IL18RAP: variants seen among roughly 807,000 people sequenced by gnomAD.
IL18RAP encodes interleukin 18 receptor accessory protein.
A neutral mutation model predicts 58.1 loss-of-function variants in IL18RAP; 37 were observed. The ratio of observed to expected loss-of-function variants is 0.64; its 90% CI spans 0.49 to 0.84. IL18RAP has a LOEUF of 0.84. Ranked by LOEUF, IL18RAP falls within the 40% of genes least tolerant of loss-of-function variation. The pLI, the probability that IL18RAP is intolerant of heterozygous loss-of-function variation, is 0.00. For synonymous variants in IL18RAP, 268 were observed against 257.5 expected (o/e 1.04, Z -0.39); for missense variants, 667 against 704.8 (o/e 0.95, Z 0.61).
At chr2:102,426,716 T>A (rs1039587994) in intron 3 of IL18RAP, among the ~76,000 whole-genome samples, 1 of 152,194 alleles carries the variant, frequency 6.6e-6, no homozygotes, top group South Asian at 2.1e-4. Flanking sequence ...TAACTCAAGC[T>A]AATTAACACA....
rs985495567 is a variant in IL18RAP at position 102,452,251 on chromosome 2, T to A, written c.*70T>A. ...TGTTGCTGGACAGAACTCACAGCTC[T>A]GTGTGTGTGTGTTCAGGCTGATAGG... On this transcript the variant is annotated 3_prime_UTR_variant, in exon 10 of 10. Transcript: ENST00000687160. 1.2e-4 allele frequency: 148 copies of A among 1,203,226 alleles called. 1 individual carries two copies. The highest frequency in any genetic ancestry group is 1.7e-4 in the Non-Finnish European group (143 of 865,150). 74.5% of individuals were successfully genotyped at this position (1,203,226 alleles called of 1,614,324 possible).
At chr2:102,426,148 A>G (rs1183665546) in intron 3 of IL18RAP, among the ~76,000 whole-genome samples, 1 of 152,202 alleles carries the variant, frequency 6.6e-6, no homozygotes, top group Non-Finnish European at 1.5e-5. Flanking sequence ...TGATGGCATT[A>G]GGCAGGAAAA....
chr2:102,430,714 C>T (rs116420783), intron 3 of IL18RAP, among the ~76,000 whole-genome samples: 1,688 of 152,178 alleles, frequency 0.011, 31 homozygotes, highest in African/African-American at 0.038. Flanking sequence ...TTTTGTGCCA[C>T]TACTACACGT....
At chr2:102,430,511 C>A (rs2104318529) in intron 3 of IL18RAP, among the ~76,000 whole-genome samples, 1 of 152,132 alleles carries the variant, frequency 6.6e-6, no homozygotes, top group East Asian at 1.9e-4. Context: ...TGATTGGAGA[C>A]ATATTGTAAA....
intron 3 of IL18RAP, among the ~76,000 whole-genome samples, chr2:102,425,923 A>C (rs1277042400): frequency 2.6e-5 from 4 of 152,218 alleles, no homozygotes; most frequent in Admixed American, 2.6e-4. Flanking sequence ...CTTTGACTGC[A>C]AACGTCAACA....
chr2:102,427,092 G>T (rs1400699626), intron 3 of IL18RAP, among the ~76,000 whole-genome samples: 4 of 152,010 alleles, frequency 2.6e-5, no homozygotes, highest in African/African-American at 7.2e-5. Flanking sequence ...ATTTCCTTTT[G>T]TAAAGGCTGA....
In IL18RAP at chr2:102,424,218, G is replaced by A. The variant is rs767210287; in HGVS notation, c.396-13G>A. 6 of 1,613,100 alleles carry A rather than the reference G, an allele frequency of 3.7e-6. No individual in the cohort carries two copies. The highest frequency in any genetic ancestry group is 5.1e-6 in the Non-Finnish European group (6 of 1,179,520). On this transcript the variant is annotated splice_polypyrimidine_tract_variant and intron_variant, in intron 2 of 9. Transcript: ENST00000687160. ...AAAATATCTATGTTCACAGGATCTT[G>A]TTAATTTCCTAGGAGCCCCTATGAT...
chr2:102,433,243 G>C (rs1179510093), intron 3 of IL18RAP, among the ~76,000 whole-genome samples: 3 of 152,182 alleles, frequency 2.0e-5, no homozygotes, highest in Non-Finnish European at 4.4e-5. Context: ...TTGTTTTAGA[G>C]ATAGGATCTT....
chr2:102,451,586 T>A (rs1683768628), intron 9 of IL18RAP, among the ~76,000 whole-genome samples, 180 bp from the exon 10 acceptor site: 1 of 152,166 alleles, frequency 6.6e-6, no homozygotes, highest in African/African-American at 2.4e-5. Flanking sequence ...GCAGGGAATG[T>A]AAAGGTGAGG....
chr2:102,443,402 A>T, intron 6 of IL18RAP, 79 bp downstream of exon 6: 1 of 1,503,456 alleles, frequency 6.7e-7, no homozygotes, highest in East Asian at 2.4e-5. Flanking sequence ...TAAAGTATAC[A>T]GTTGATGGTG....
chr2:102,437,572 T>C (rs565853517), intron 4 of IL18RAP, among the ~76,000 whole-genome samples: 1 of 152,230 alleles, frequency 6.6e-6, no homozygotes, highest in African/African-American at 2.4e-5. Context: ...ACAAGTTGGG[T>C]TGTCCATGAA....
intron 3 of IL18RAP, chr2:102,434,896 AG>A (rs1380144051): frequency 6.6e-6 from 1 of 152,216 alleles, no homozygotes; most frequent in Non-Finnish European, 1.5e-5. Flanking sequence ...TCCTTTTCTA[AG>A]GGTTCATAAA....
Position 102,452,107 on chromosome 2 carries a change from T to G in IL18RAP, c.1726T>G (p.Ser576Ala), listed in dbSNP as rs1211127888. ...GFTWNQLRITSRIFQWKGLSR... is the reference protein window; with the variant it reads ...GFTWNQLRITARIFQWKGLSR... ...CACGTGGAACCAGCTCAGAATTACC[T>G]CTAGGATTTTTCAGTGGAAAGGACT... Residue 576 changes from serine (S) to alanine (A), a missense_variant, in exon 10 of 10, where the codon TCT becomes GCT. Ser to Ala is a moderately conservative substitution (Grantham distance 99). Transcript: ENST00000687160. 17 of 1,614,064 alleles carry G rather than the reference T, an allele frequency of 1.1e-5. No homozygotes were observed. Among genetic ancestry groups the G allele is most frequent in the Non-Finnish European group, 1.4e-5 (16 of 1,180,016 alleles).
At chr2:102,428,386 T>A (rs912542544) in intron 3 of IL18RAP, among the ~76,000 whole-genome samples, 5 of 151,350 alleles carry the variant, frequency 3.3e-5, no homozygotes, top group African/African-American at 1.2e-4. Flanking sequence ...TTAGTTTTTT[T>A]TTTTTTATAA....
intron 8 of IL18RAP, 71 bp downstream of exon 8, chr2:102,447,278 AT>A: frequency 6.6e-7 from 1 of 1,519,102 alleles, no homozygotes. Flanking sequence ...ACAACAGAAA[AT>A]ACCATCACTA....
At chr2:102,445,812 G>A (rs529395695) in intron 7 of IL18RAP, among the ~76,000 whole-genome samples, 3 of 119,044 alleles carry the variant, frequency 2.5e-5, no homozygotes, top group East Asian at 4.0e-4. Context: ...TGTATATCAC[G>A]GATATATTAA....
intron 8 of IL18RAP, among the ~76,000 whole-genome samples, chr2:102,449,775 G>A (rs6543139): frequency 0.96 from 146,732 of 152,294 alleles, 70,722 homozygotes; most frequent in East Asian, 1. Flanking sequence ...TTCACATGAT[G>A]TGGAAGGAAT....
intron 8 of IL18RAP, among the ~76,000 whole-genome samples, chr2:102,448,204 T>C (rs1240200109): frequency 1.3e-5 from 2 of 152,156 alleles, no homozygotes; most frequent in Admixed American, 6.5e-5. Flanking sequence ...GTGCCTACAA[T>C]TGAACTACTG....
intron 9 of IL18RAP, among the ~76,000 whole-genome samples, chr2:102,451,269 T>C (rs1022441014): frequency 6.6e-6 from 1 of 152,228 alleles, no homozygotes; most frequent in Non-Finnish European, 1.5e-5. Flanking sequence ...ATACCTCTCC[T>C]GGCTTCGCAG....
Sources: gnomAD v4.1 joint callset for allele counts (sites outside exome capture counted in the v4.1 genomes callset) on GRCh38, gnomAD v4.1.1 for gene constraint, MANE v1.5 for transcripts, NCBI Gene and HGNC (gene_info 2026-07-23, HGNC 2026-07-21) for gene names.